The following DOCK8 variants were observed in gnomAD, a reference collection of about 807,000 sequenced individuals.
The protein encoded by DOCK8 is dedicator of cytokinesis 8, also known as dedicator of cytokinesis protein 8.
Under a neutral mutation model 245.6 loss-of-function variants are expected in DOCK8, and 141 were observed. The ratio of observed to expected loss-of-function variants is 0.57; its 90% CI spans 0.50 to 0.66. The LOEUF (loss-of-function observed/expected upper bound fraction) is 0.66, where lower values mean the gene tolerates loss of function less well. Among genes scored for constraint, DOCK8 ranks in the 30% least tolerant of loss-of-function variants. The pLI, the probability that DOCK8 is intolerant of heterozygous loss-of-function variation, is 0.00. For synonymous variants in DOCK8, 1,168 were observed against 970.2 expected (o/e 1.20, Z -3.79); for missense variants, 2,965 against 2,603.4 (o/e 1.14, Z -3.02).
intron 1 of DOCK8, among the ~76,000 whole-genome samples, chr9:242,256 G>C (rs2047390981): frequency 6.6e-6 from 1 of 152,098 alleles, no homozygotes; most frequent in South Asian, 2.1e-4. Context: ...CCCAAAAAAT[G>C]ACTGCTGTGC....
intron 37 of DOCK8, among the ~76,000 whole-genome samples, chr9:433,383 G>T (rs2056786575): frequency 1.3e-5 from 2 of 152,124 alleles, no homozygotes; most frequent in African/African-American, 4.8e-5. Flanking sequence ...TTTTTGTACT[G>T]CAGGCTCCCC....
rs190210206 is a variant in DOCK8 at position 385,217 on chromosome 9, G to A, written c.2779-1114G>A. Among the ~76,000 whole-genome samples the A allele has an allele frequency of 4.1e-3, 621 of 152,308 alleles. 1 individual carries two copies. Among genetic ancestry groups the A allele is most frequent in the Middle Eastern group, 0.017 (5 of 294 alleles). On this transcript the variant is annotated intron_variant, in intron 22 of 47. Coordinates refer to ENST00000432829, the MANE Select transcript of DOCK8 (RefSeq NM_203447.4). ...AATCTGAATGCAATGTGGTATGCTA[G>A]ATTGTATCCTGGAACAGAAATAGGA...
intron 2 of DOCK8, among the ~76,000 whole-genome samples, chr9:275,023 C>T (rs1356618705): frequency 1.3e-5 from 2 of 152,152 alleles, no homozygotes; most frequent in Admixed American, 1.3e-4. Flanking sequence ...GAGTGAAGAG[C>T]TTGGAGTCAG....
chr9:378,946 C>T (rs914175777), intron 20 of DOCK8, among the ~76,000 whole-genome samples: 1 of 152,140 alleles, frequency 6.6e-6, no homozygotes, highest in Non-Finnish European at 1.5e-5. Flanking sequence ...TCACTTGAGC[C>T]CTGTACTGTG....
intron 46 of DOCK8, among the ~76,000 whole-genome samples, chr9:455,006 C>A (rs1419317947): frequency 6.6e-6 from 1 of 152,190 alleles, no homozygotes; most frequent in Non-Finnish European, 1.5e-5. Flanking sequence ...AGATGGCCTA[C>A]AGAAATGTTG....
At chr9:350,199 A>G (rs183992828) in intron 14 of DOCK8, among the ~76,000 whole-genome samples, 2 of 152,156 alleles carry the variant, frequency 1.3e-5, no homozygotes, top group South Asian at 4.1e-4. Flanking sequence ...TGCAGCCTCA[A>G]ACTGCTGGGC....
At chr9:376,350 G>C (rs2053515358) in intron 19 of DOCK8, 45 bp downstream of exon 19, 1 of 1,367,470 alleles carries the variant, frequency 7.3e-7, no homozygotes, top group South Asian at 1.2e-5. Flanking sequence ...GTGCAGCGGA[G>C]GAGCCTTTGA....
chr9:282,230 A>T (rs916977236), intron 2 of DOCK8, among the ~76,000 whole-genome samples: 1 of 152,152 alleles, frequency 6.6e-6, no homozygotes, highest in African/African-American at 2.4e-5. Flanking sequence ...TGGCCAACTC[A>T]GGAGCTCAGT....
intron 21 of DOCK8, among the ~76,000 whole-genome samples, chr9:381,599 C>A (rs2053722518): frequency 6.6e-6 from 1 of 152,144 alleles, no homozygotes; most frequent in South Asian, 2.1e-4. Context: ...AAACATGACA[C>A]TTTTGTTGGT....
chr9:419,823 CAT>C (rs953823481), intron 30 of DOCK8, among the ~76,000 whole-genome samples: 1 of 152,166 alleles, frequency 6.6e-6, no homozygotes, highest in African/African-American at 2.4e-5. Context: ...CCCAGGCAAA[CAT>C]AAATTATGGT....
At position 267,655 on chromosome 9, in the gene DOCK8, T is replaced by C. The variant is rs545633285; in HGVS notation, c.54-3972T>C. ...ATATTGTTATACTGTTGTGTGTTTGTATTTAGTTGCTCATACTATTTTTTA... is the reference window on the plus strand; with the variant it reads ...ATATTGTTATACTGTTGTGTGTTTGCATTTAGTTGCTCATACTATTTTTTA... On this transcript the variant is annotated intron_variant, in intron 1 of 47. Coordinates refer to ENST00000432829, the MANE Select transcript of DOCK8 (RefSeq NM_203447.4). 2.3e-3 allele frequency among the ~76,000 whole-genome samples: 355 copies of C among 152,388 alleles called. 1 individual carries two copies. The highest frequency in any genetic ancestry group is 2.9e-3 in the Non-Finnish European group (198 of 68,044).
rs772392298 is a variant in DOCK8, at chr9:429,832, G to A, written c.4604G>A (p.Arg1535Lys). ...QACATLYLLMRFSFGATSNFA... is the reference protein window; with the variant it reads ...QACATLYLLMKFSFGATSNFA... ...TGTGCCACCCTTTACCTCCTCATGA[G>A]GTTCAGTTTTGGAGCCACCAGTGTA... The change falls in exon 36 of 48, where the codon AGG (arginine) becomes AAG (lysine). Residue 1535 changes from arginine to lysine, a missense_variant. Physicochemically the swap from Arg to Lys is conservative, Grantham distance 26. Coordinates refer to ENST00000432829, the MANE Select transcript of DOCK8 (RefSeq NM_203447.4). 15 of 1,614,024 alleles carry A rather than the reference G, an allele frequency of 9.3e-6. No individual in the cohort carries two copies. The highest frequency in any genetic ancestry group is 4.4e-5 in the South Asian group (4 of 91,078).
chr9:417,330 A>C (rs1398533274), intron 29 of DOCK8, among the ~76,000 whole-genome samples: 1 of 152,172 alleles, frequency 6.6e-6, no homozygotes, highest in Non-Finnish European at 1.5e-5. Flanking sequence ...TGTTTTCACA[A>C]CTTTAGTAGA....
chr9:305,723 C>CT (rs2049796774), intron 5 of DOCK8, among the ~76,000 whole-genome samples: 2 of 152,174 alleles, frequency 1.3e-5, no homozygotes, highest in African/African-American at 4.8e-5. Flanking sequence ...AGCAAACACT[C>CT]TAACAAATAG....
chr9:339,459 C>T (rs1586740740), intron 13 of DOCK8, among the ~76,000 whole-genome samples: 1 of 152,168 alleles, frequency 6.6e-6, no homozygotes, highest in Non-Finnish European at 1.5e-5. Flanking sequence ...CTTATCCTCA[C>T]TCGGCAGCCC....
intron 4 of DOCK8, among the ~76,000 whole-genome samples, chr9:303,681 A>G (rs550905405): frequency 2.6e-5 from 4 of 152,332 alleles, no homozygotes; most frequent in Admixed American, 2.0e-4. Flanking sequence ...AAAACTGCCT[A>G]TTGAGTACCA....
rs187319344 is a variant in DOCK8 at position 375,515 on chromosome 9, A to G, written c.2110-695A>G. 2.0e-5 allele frequency among the ~76,000 whole-genome samples: 3 copies of G among 152,280 alleles called. No homozygotes were observed. In the East Asian group the frequency reaches 5.8e-4, roughly 29 times the overall value. On this transcript the variant is annotated intron_variant, in intron 18 of 47. Coordinates refer to ENST00000432829, the MANE Select transcript of DOCK8 (RefSeq NM_203447.4). The stretch of plus-strand genomic sequence containing the variant: ...TTCATGTCTTGTAAAGATATTCTAT[A>G]CTTTGTCCTGACAATTCTGATTAAT...
intron 33 of DOCK8, among the ~76,000 whole-genome samples, chr9:425,057 A>G (rs1043431121): frequency 6.6e-6 from 1 of 152,260 alleles, no homozygotes; most frequent in Non-Finnish European, 1.5e-5. Context: ...TATATTGCTT[A>G]CATGGAGACA....
intron 39 of DOCK8, among the ~76,000 whole-genome samples, chr9:437,656 C>T (rs939614438): frequency 1.4e-5 from 2 of 146,704 alleles, no homozygotes; most frequent in African/African-American, 2.8e-5. Context: ...CAACCTTGTT[C>T]TGCTCCAATG....
Sources: allele counts gnomAD v4.1 joint callset (sites outside exome capture counted in the v4.1 genomes callset), GRCh38; gene constraint gnomAD v4.1.1; transcripts MANE v1.5; gene names NCBI Gene and HGNC (gene_info 2026-07-23, HGNC 2026-07-21).